Variants in ZNF442 observed in about 807,000 individuals in gnomAD.
ZNF442 encodes zinc finger protein 442.
ZNF442 carries 45 observed loss-of-function variants against 57.0 expected under a neutral mutation model. That is an observed-to-expected ratio of 0.79 (90% CI 0.62 to 1.01). The LOEUF (loss-of-function observed/expected upper bound fraction) is 1.01. Among genes scored for constraint, ZNF442 ranks in the 50% least tolerant of loss-of-function variants. ZNF442 has a pLI of 0.00. For missense variants in ZNF442, 690 were observed against 756.5 expected (o/e 0.91, Z 1.03); for synonymous variants, 213 against 241.8 (o/e 0.88, Z 1.10).
At chr19:12,360,260 T>A (rs1029338597) in intron 3 of ZNF442, among the ~76,000 whole-genome samples, 1 of 152,238 alleles carries the variant, frequency 6.6e-6, no homozygotes, top group Non-Finnish European at 1.5e-5. Flanking sequence ...TTTATTTTAA[T>A]TGAGAATGTC....
At chr19:12,351,989 T>C (rs1969246094) in intron 5 of ZNF442, 21 bp downstream of exon 5, 1 of 1,610,234 alleles carries the variant, frequency 6.2e-7, no homozygotes. Flanking sequence ...TATATGTCTT[T>C]CTCTTGTGAG....
At position 12,353,103 on chromosome 19, in the gene ZNF442, G is replaced by C. The variant is rs753790827; in HGVS notation, c.90C>G (p.Ala30=). ...NEERKQYDSV[A]FEDVAVNFTQ... is the part of the protein sequence containing the mutation. The stretch of plus-strand genomic sequence containing the variant: ...TGAAGTTCACCGCCACATCCTCAAA[G>C]GCTACTGAATCCTGAAACACCCCAC... The change falls in exon 4 of 6, where the codon GCC becomes GCG. Residue 30 remains alanine (A), a synonymous_variant. Transcript: ENST00000242804. 1 of 1,611,422 alleles carries C rather than the reference G, an allele frequency of 6.2e-7. No homozygotes were observed. Among genetic ancestry groups the C allele is most frequent in the South Asian group, 1.1e-5 (1 of 90,706 alleles).
chr19:12,359,057 G>A (rs1969381141), intron 3 of ZNF442, among the ~76,000 whole-genome samples: 1 of 152,164 alleles, frequency 6.6e-6, no homozygotes, highest in Admixed American at 6.5e-5. Flanking sequence ...GAAGGGGAGG[G>A]ATTGGCAAAC....
rs1180490797 is a variant in ZNF442, at chr19:12,347,539, C to T, written c.*2162G>A. On this transcript the variant is annotated 3_prime_UTR_variant, in exon 6 of 6. Coordinates refer to ENST00000242804, the MANE Select transcript of ZNF442 (RefSeq NM_030824.3). The stretch of plus-strand genomic sequence containing the variant: ...GAACACATTGACAGGACAAGAGCAC[C>T]GCCATCTTTATAACACTCCACCATC... 3.3e-5 allele frequency: 5 copies of T among 152,182 alleles called. No individual in the cohort carries two copies. Among genetic ancestry groups the T allele is most frequent in the African/African-American group, 7.2e-5 (3 of 41,442 alleles). 9.4% of individuals were successfully genotyped at this position (152,182 alleles called of 1,614,324 possible).
At chr19:12,362,863 A>G (rs1969459620) in intron 3 of ZNF442, among the ~76,000 whole-genome samples, 1 of 150,830 alleles carries the variant, frequency 6.6e-6, no homozygotes, top group South Asian at 2.1e-4. Context: ...GTTCTGTACT[A>G]AGAAAAATTC....
Position 12,347,866 on chromosome 19 carries a change from C to T in ZNF442, c.*1835G>A, listed in dbSNP as rs1355459145. 1 of 152,066 alleles carries T rather than the reference C, an allele frequency of 6.6e-6. No homozygotes were observed. Among genetic ancestry groups the T allele is most frequent in the Admixed American group, 6.6e-5 (1 of 15,252 alleles). The allele number at this position is 152,066 out of a possible 1,614,324, so 9.4% of individuals were successfully genotyped here. A position where few individuals can be genotyped will look rare whatever the true frequency, so the allele number is the denominator to read the frequency against. ...CTCTCCTTTCCTTAATCTTTCTATC[C>T]CAACACAAATAAGAGAGCATAAATA... is the stretch of plus-strand genomic sequence containing the variant. On this transcript the variant is annotated 3_prime_UTR_variant, in exon 6 of 6. Coordinates refer to ENST00000242804, the MANE Select transcript of ZNF442 (RefSeq NM_030824.3).
At chr19:12,362,744 CG>C (rs1186666366) in intron 3 of ZNF442, among the ~76,000 whole-genome samples, 1 of 152,020 alleles carries the variant, frequency 6.6e-6, no homozygotes, top group Non-Finnish European at 1.5e-5. Flanking sequence ...GCCATGATGA[CG>C]ATGGCGGTTT....
chr19:12,354,636 T>C (rs1291112098), intron 3 of ZNF442, among the ~76,000 whole-genome samples: 1 of 151,968 alleles, frequency 6.6e-6, no homozygotes, highest in East Asian at 1.9e-4. Context: ...CCTGGCACGA[T>C]CTTGGCTCAC....
intron 3 of ZNF442, among the ~76,000 whole-genome samples, chr19:12,360,833 T>C (rs1969413068): frequency 6.6e-6 from 1 of 152,150 alleles, no homozygotes; most frequent in Non-Finnish European, 1.5e-5. Context: ...TAAGCCAAGA[T>C]TGTGCCATTG....
At chr19:12,362,453 C>T (rs999279547) in intron 3 of ZNF442, among the ~76,000 whole-genome samples, 3 of 151,202 alleles carry the variant, frequency 2.0e-5, no homozygotes, top group African/African-American at 7.3e-5. Flanking sequence ...CCGGCCGCCC[C>T]GTCTGTGAAG....
At position 12,350,147 on chromosome 19, in the gene ZNF442, T is replaced by A. The variant is rs1969195922; in HGVS notation, c.1438A>T (p.Thr480Ser). ...IDFYSFQNHETTHTGEKPYEC... is the reference protein window; with the variant it reads ...IDFYSFQNHESTHTGEKPYEC... ...TATGGCTTCTCTCCAGTGTGAGTTG[T>A]TTCATGATTTTGAAAGGAATAGAAA... Residue 480 changes from threonine to serine, a missense_variant, in exon 6 of 6, where the codon ACA becomes TCA. Transcript: ENST00000242804. 2 of 1,613,988 alleles carry A rather than the reference T, an allele frequency of 1.2e-6. No individual in the cohort carries two copies. Among genetic ancestry groups the A allele is most frequent in the African/African-American group, 1.3e-5 (1 of 74,924 alleles).
At chr19:12,353,887 G>A (rs915856716) in intron 3 of ZNF442, among the ~76,000 whole-genome samples, 10 of 152,108 alleles carry the variant, frequency 6.6e-5, no homozygotes, top group African/African-American at 1.9e-4. Flanking sequence ...TATGAGAAGA[G>A]AAAGAGACCT....
chr19:12,350,458 G>T lies in ZNF442; in HGVS notation c.1127C>A (p.Pro376His), dbSNP rs752031955. The T allele has an allele frequency of 6.2e-7, 1 of 1,614,002 alleles. No homozygotes were observed. The highest frequency in any genetic ancestry group is 1.1e-5 in the South Asian group (1 of 91,084). The change falls in exon 6 of 6, where the codon CCC becomes CAC. Residue 376 changes from proline (P) to histidine (H), a missense_variant. Physicochemically the swap from Pro to His is moderately conservative, Grantham distance 77. Coordinates refer to ENST00000242804, the MANE Select transcript of ZNF442 (RefSeq NM_030824.3). Reference protein sequence around the residue: ...SHERTHTGEKPYECKQCGKAL... With the variant: ...SHERTHTGEKHYECKQCGKAL... ...TTTCCCACACTGCTTGCATTCATAG[G>T]GTTTCTCTCCAGTGTGAGTTCTTTC...
intron 3 of ZNF442, among the ~76,000 whole-genome samples, chr19:12,361,751 G>A (rs767709849): frequency 8.8e-6 from 1 of 114,246 alleles, no homozygotes; most frequent in East Asian, 2.9e-4. Context: ...CTCCCTCCAC[G>A]GTCTCCCTCT....
rs1370315120 is a variant in ZNF442 at position 12,349,921 on chromosome 19, C to A, written c.1664G>T (p.Trp555Leu). The change falls in exon 6 of 6, where the codon TGG (tryptophan) becomes TTG (leucine). Residue 555 changes from tryptophan to leucine, a missense_variant. Trp to Leu is a moderately conservative substitution (Grantham distance 61). Coordinates refer to ENST00000242804, the MANE Select transcript of ZNF442 (RefSeq NM_030824.3). The part of the protein sequence containing the change: ...ECKECRKAFS[W>L]LTCLLRHERI... The stretch of plus-strand genomic sequence containing the variant: ...TTCATGTCGCAGAAGGCAAGTGAGC[C>A]AAGAGAATGCTTTCCTGCATTCCTT... 6.2e-7 allele frequency: 1 copy of A among 1,614,064 alleles called. No homozygotes were observed. The highest frequency in any genetic ancestry group is 1.7e-5 in the Admixed American group (1 of 60,016).
intron 5 of ZNF442, 51 bp downstream of exon 5, chr19:12,351,959 C>T: frequency 6.5e-7 from 1 of 1,542,266 alleles, no homozygotes. Flanking sequence ...TTCCTGTCAT[C>T]CTAAGAATTG....
chr19:12,369,279 C>T (rs996994221), upstream of ZNF442, among the ~76,000 whole-genome samples: 11 of 152,186 alleles, frequency 7.2e-5, no homozygotes, highest in African/African-American at 2.2e-4. Flanking sequence ...TAGAAAGGAA[C>T]TTCAGATGTT....
rs777331324 is a variant in ZNF442, at chr19:12,350,846, G to C, written c.739C>G (p.Pro247Ala). 1 of 1,613,016 alleles carries C rather than the reference G, an allele frequency of 6.2e-7. No individual in the cohort carries two copies. The highest frequency in any genetic ancestry group is 8.5e-7 in the Non-Finnish European group (1 of 1,179,702). The change falls in exon 6 of 6, where the codon CCT (proline) becomes GCT (alanine). Residue 247 changes from proline (P) to alanine (A), a missense_variant. Coordinates refer to ENST00000242804, the MANE Select transcript of ZNF442 (RefSeq NM_030824.3). ...TGTCTTAGATAGGAACTGTAAATAGGGAAGGCTTTACAACACTGCTTACAT... is the reference window on the plus strand; with the variant it reads ...TGTCTTAGATAGGAACTGTAAATAGCGAAGGCTTTACAACACTGCTTACAT... The part of the protein sequence containing the change: ...YECKQCCKAF[P>A]IYSSYLRHER...
chr19:12,364,678 A>C (rs1192573918), intron 2 of ZNF442, 124 bp downstream of exon 2: 3 of 152,228 alleles, frequency 2.0e-5, no homozygotes, highest in African/African-American at 7.2e-5. Context: ...AAAAACTCGA[A>C]GAGGAATCAG....
Sources: gnomAD v4.1 joint callset for allele counts (sites outside exome capture counted in the v4.1 genomes callset) on GRCh38, gnomAD v4.1.1 for gene constraint, MANE v1.5 for transcripts, NCBI Gene and HGNC (gene_info 2026-07-23, HGNC 2026-07-21) for gene names.